GPSM3: variants seen among roughly 807,000 people sequenced by gnomAD.
GPSM3 encodes the protein G protein-signaling modulator 3.
GPSM3 carries 16 observed loss-of-function variants against 20.4 expected under a neutral mutation model. The ratio of observed to expected loss-of-function variants is 0.78; its 90% CI spans 0.53 to 1.19. GPSM3 has a LOEUF of 1.19. Ranked by LOEUF, GPSM3 falls within the 50% of genes most tolerant of loss-of-function variation. The pLI, the probability that GPSM3 is intolerant of heterozygous loss-of-function variation, is 0.00. For synonymous variants in GPSM3, 70 were observed against 79.6 expected (o/e 0.88, Z 0.64); for missense variants, 177 against 204.6 (o/e 0.86, Z 0.82).
In GPSM3 at chr6:32,192,606, G is replaced by A; in HGVS notation, c.-93C>T. The A allele has an allele frequency of 2.6e-6, 2 of 769,524 alleles. No homozygotes were observed. Among genetic ancestry groups the A allele is most frequent in the Admixed American group, 2.5e-5 (1 of 40,704 alleles). 47.7% of individuals were successfully genotyped at this position (769,524 alleles called of 1,614,324 possible). On this transcript the variant is annotated 5_prime_UTR_variant, in exon 1 of 4. Transcript: ENST00000375040. The surrounding 1 kb of genome is among the most constrained non-coding windows in gnomAD (Gnocchi z 5.1). The stretch of plus-strand genomic sequence containing the variant: ...TTCCTGAGGGGAGTGGGGGCTGGAA[G>A]GGGTGGGGGTGAGCTGGGGGCTGGA...
Position 32,191,362 on chromosome 6 carries a change from A to G in GPSM3, c.*4T>C. 3 of 1,576,568 alleles carry G rather than the reference A, an allele frequency of 1.9e-6. No individual in the cohort carries two copies. Among genetic ancestry groups the G allele is most frequent in the Non-Finnish European group, 2.6e-6 (3 of 1,167,148 alleles). The stretch of plus-strand genomic sequence containing the variant: ...GCAAGGAAGGGCTGGTTGGGGCTCA[A>G]GTCTCAGCAGGTGTGTGTGGGGGGC... On this transcript the variant is annotated 3_prime_UTR_variant, in exon 4 of 4. Coordinates refer to ENST00000375040, the MANE Select transcript of GPSM3 (RefSeq NM_001276501.2). This position sits in a 1 kb window ranked among gnomAD's most constrained non-coding sequence, Gnocchi z 5.9.
upstream of GPSM3, chr6:32,195,154 T>G: frequency 2.2e-6 from 1 of 456,370 alleles, no homozygotes. The surrounding 1 kb of genome is among the most constrained non-coding windows in gnomAD (Gnocchi z 5.4). Context: ...AATTCTTGGT[T>G]CCAACTTAGG....
Position 32,191,856 on chromosome 6 carries a change from CAGA to C in GPSM3, c.195_197del (p.Leu66del), listed in dbSNP as rs764630276. On this transcript the variant is annotated inframe_deletion, in exon 3 of 4. Transcript: ENST00000375040. The surrounding 1 kb of genome is among the most constrained non-coding windows in gnomAD (Gnocchi z 5.9). ...GGGACTGGGCTTCAGCCACCAGGTCCAGAAGGAGTTCAGTCTGCAGGGAGAGCA... is the reference window on the plus strand; with the variant it reads ...GGGACTGGGCTTCAGCCACCAGGTCCAGGAGTTCAGTCTGCAGGGAGAGCA... The C allele has an allele frequency of 6.2e-7, 1 of 1,611,988 alleles. No individual in the cohort carries two copies. Among genetic ancestry groups the C allele is most frequent in the South Asian group, 1.1e-5 (1 of 91,040 alleles).
upstream of GPSM3, chr6:32,192,717 C>T: frequency 4.3e-6 from 2 of 460,692 alleles, no homozygotes; most frequent in South Asian, 3.9e-5. The surrounding 1 kb of genome is among the most constrained non-coding windows in gnomAD (Gnocchi z 5.1). Flanking sequence ...CCATTCTCTT[C>T]CCACCCAAAC....
Position 32,192,255 on chromosome 6 carries a change from T to C in GPSM3, c.43-5A>G. ...TTCCTCATCCTGAGGGGGGCCCTGATGCCAAAATATGTCCATTCTAGTCAA... is the reference window on the plus strand; with the variant it reads ...TTCCTCATCCTGAGGGGGGCCCTGACGCCAAAATATGTCCATTCTAGTCAA... On this transcript the variant is annotated splice_polypyrimidine_tract_variant and splice_region_variant and intron_variant, in intron 1 of 3. Transcript: ENST00000375040. This position sits in a 1 kb window ranked among gnomAD's most constrained non-coding sequence, Gnocchi z 5.1. The C allele has an allele frequency of 6.6e-7, 1 of 1,518,868 alleles. No homozygotes were observed. The highest frequency in any genetic ancestry group is 8.8e-7 in the Non-Finnish European group (1 of 1,131,204). 94.1% of individuals were successfully genotyped at this position (1,518,868 alleles called of 1,614,324 possible).
chr6:32,195,399 G>A, upstream of GPSM3: 2 of 1,525,188 alleles, frequency 1.3e-6, no homozygotes, highest in Non-Finnish European at 1.8e-6. This position sits in a 1 kb window ranked among gnomAD's most constrained non-coding sequence, Gnocchi z 5.4. Flanking sequence ...CTTTTAATGG[G>A]TAATCATTTT....
upstream of GPSM3, among the ~76,000 whole-genome samples, chr6:32,193,583 A>C: frequency 6.6e-6 from 1 of 152,152 alleles, no homozygotes. The surrounding 1 kb of genome is among the most constrained non-coding windows in gnomAD (Gnocchi z 4.7). Context: ...TCATTTTGGA[A>C]ACTTATAGTT....
chr6:32,192,275 A>G lies in GPSM3; in HGVS notation c.43-25T>C. On this transcript the variant is annotated intron_variant, in intron 1 of 3. Transcript: ENST00000375040. This position sits in a 1 kb window ranked among gnomAD's most constrained non-coding sequence, Gnocchi z 5.1. ...CCTGATGCCAAAATATGTCCATTCT[A>G]GTCAAGCAGTGGTGGTTGAAGCGGG... 1 of 1,505,884 alleles carries G rather than the reference A, an allele frequency of 6.6e-7. No homozygotes were observed. The highest frequency in any genetic ancestry group is 1.3e-5 in the South Asian group (1 of 77,750). 93.3% of individuals were successfully genotyped at this position (1,505,884 alleles called of 1,614,324 possible).
upstream of GPSM3, chr6:32,192,691 T>G: frequency 2.1e-6 from 1 of 466,790 alleles, no homozygotes. The surrounding 1 kb of genome is among the most constrained non-coding windows in gnomAD (Gnocchi z 5.1). Context: ...GCCCCGCCCA[T>G]CCCTGTCAAC....
rs748139033 is a variant in GPSM3, at chr6:32,192,267, T to C, written c.43-17A>G. The stretch of plus-strand genomic sequence containing the variant: ...AGGGGGGCCCTGATGCCAAAATATG[T>C]CCATTCTAGTCAAGCAGTGGTGGTT... On this transcript the variant is annotated splice_polypyrimidine_tract_variant and intron_variant, in intron 1 of 3. Transcript: ENST00000375040. The surrounding 1 kb of genome is among the most constrained non-coding windows in gnomAD (Gnocchi z 5.1). 1 of 1,512,922 alleles carries C rather than the reference T, an allele frequency of 6.6e-7. No individual in the cohort carries two copies. Among genetic ancestry groups the C allele is most frequent in the Admixed American group, 2.1e-5 (1 of 47,074 alleles). 93.7% of individuals were successfully genotyped at this position (1,512,922 alleles called of 1,614,324 possible).
Position 32,191,469 on chromosome 6 carries a change from G to A in GPSM3, c.380C>T (p.Pro127Leu). 6.3e-7 allele frequency: 1 copy of A among 1,581,804 alleles called. No homozygotes were observed. The highest frequency in any genetic ancestry group is 1.4e-5 in the African/African-American group (1 of 73,112). Residue 127 changes from proline to leucine, a missense_variant, in exon 4 of 4, where the codon CCC becomes CTC. Physicochemically the swap from Pro to Leu is moderately conservative, Grantham distance 98 (BLOSUM62 -3). Transcript: ENST00000375040. The surrounding 1 kb of genome is among the most constrained non-coding windows in gnomAD (Gnocchi z 5.9). ...GAGCTCTTGCCCCCCTGGAGGGAGGGGAGGCTCTGACCGCTGGGCTTCCAT... is the reference window on the plus strand; with the variant it reads ...GAGCTCTTGCCCCCCTGGAGGGAGGAGAGGCTCTGACCGCTGGGCTTCCAT... ...QRMEAQRSEP[P>L]LPPGGQELLE...
Position 32,192,402 on chromosome 6 carries a change from T to C in GPSM3, c.42+70A>G. On this transcript the variant is annotated intron_variant, in intron 1 of 3. Transcript: ENST00000375040. This position sits in a 1 kb window ranked among gnomAD's most constrained non-coding sequence, Gnocchi z 5.1. Reference sequence around the variant, plus strand: ...CTTTCAAGGCCCCTGTGTCCCTACATTTCTGCCCCAGGTCCTCTCACCTCC... The same window carrying C: ...CTTTCAAGGCCCCTGTGTCCCTACACTTCTGCCCCAGGTCCTCTCACCTCC... 3 of 1,509,218 alleles carry C rather than the reference T, an allele frequency of 2.0e-6. No homozygotes were observed. The highest frequency in any genetic ancestry group is 2.7e-6 in the Non-Finnish European group (3 of 1,108,466). 93.5% of individuals were successfully genotyped at this position (1,509,218 alleles called of 1,614,324 possible).
Position 32,191,809 on chromosome 6 carries a change from G to A in GPSM3, c.245C>T (p.Ala82Val), listed in dbSNP as rs1406920851. 2 of 1,612,438 alleles carry A rather than the reference G, an allele frequency of 1.2e-6. No homozygotes were observed. The highest frequency in any genetic ancestry group is 1.3e-5 in the African/African-American group (1 of 74,954). ...AQSRRLEEQR[A>V]TFYTPQNPSS... The stretch of plus-strand genomic sequence containing the variant: ...GGGGTTTTGGGGGGTGTAGAAGGTG[G>A]CCCTCTGCTCCTCCAGGCGGCGGGA... The change falls in exon 3 of 4, where the codon GCC becomes GTC. Residue 82 changes from alanine (A) to valine (V), a missense_variant. By Grantham distance (64) the Ala-to-Val change is moderately conservative. Transcript: ENST00000375040. This position sits in a 1 kb window ranked among gnomAD's most constrained non-coding sequence, Gnocchi z 5.9.
chr6:32,195,405 AT>A (rs1315423213), upstream of GPSM3: 2 of 1,528,972 alleles, frequency 1.3e-6, no homozygotes, highest in Middle Eastern at 1.8e-4. This position sits in a 1 kb window ranked among gnomAD's most constrained non-coding sequence, Gnocchi z 5.4. Flanking sequence ...ATGGGTAATC[AT>A]TTTTGGAATT....
At chr6:32,192,881 C>T (rs140979226), upstream of GPSM3, 124 of 253,664 alleles carry the variant, frequency 4.9e-4, no homozygotes, top group Middle Eastern at 6.9e-3. This position sits in a 1 kb window ranked among gnomAD's most constrained non-coding sequence, Gnocchi z 5.1. Flanking sequence ...CTGCTCCCTC[C>T]ACCCCACCTC....
rs1290630317 is a variant in GPSM3 at position 32,192,408 on chromosome 6, CCCCAGGTCCTCTCA to C, written c.42+50_42+63del. 1.3e-6 allele frequency: 2 copies of C among 1,517,930 alleles called. No individual in the cohort carries two copies. The highest frequency in any genetic ancestry group is 2.7e-5 in the African/African-American group (2 of 72,832). 94.0% of individuals were successfully genotyped at this position (1,517,930 alleles called of 1,614,324 possible). On this transcript the variant is annotated intron_variant, in intron 1 of 3. Transcript: ENST00000375040. This position sits in a 1 kb window ranked among gnomAD's most constrained non-coding sequence, Gnocchi z 5.1. ...AGGCCCCTGTGTCCCTACATTTCTG[CCCCAGGTCCTCTCA>C]CCTCCCTTCTTTCCCAGTGTCAGCC...
upstream of GPSM3, chr6:32,195,159 C>T (rs1377886789): frequency 4.3e-6 from 2 of 463,894 alleles, no homozygotes; most frequent in Non-Finnish European, 3.8e-6. This position sits in a 1 kb window ranked among gnomAD's most constrained non-coding sequence, Gnocchi z 5.4. Context: ...TTGGTTCCAA[C>T]TTAGGGGTAT....
upstream of GPSM3, among the ~76,000 whole-genome samples, chr6:32,193,587 T>C (rs1787680380): frequency 6.6e-6 from 1 of 151,956 alleles, no homozygotes; most frequent in East Asian, 1.9e-4. The surrounding 1 kb of genome is among the most constrained non-coding windows in gnomAD (Gnocchi z 4.7). Context: ...TTTGGAAACT[T>C]ATAGTTTAGT....
rs1787614369 is a variant in GPSM3, at chr6:32,192,573, A to T, written c.-60T>A. The T allele has an allele frequency of 8.3e-7, 1 of 1,208,272 alleles. No homozygotes were observed. Among genetic ancestry groups the T allele is most frequent in the African/African-American group, 1.5e-5 (1 of 65,088 alleles). The allele number at this position is 1,208,272 out of a possible 1,614,324, so 74.8% of individuals were successfully genotyped here. On this transcript the variant is annotated 5_prime_UTR_variant, in exon 1 of 4. Transcript: ENST00000375040. The surrounding 1 kb of genome is among the most constrained non-coding windows in gnomAD (Gnocchi z 5.1). ...GCTGGGATTTGGGAGGAGGGCTGGA[A>T]CCTTGGGTTCCTGAGGGGAGTGGGG...
Sources: allele counts gnomAD v4.1 joint callset (sites outside exome capture counted in the v4.1 genomes callset), GRCh38; gene constraint gnomAD v4.1.1; non-coding constraint Gnocchi (gnomAD v3.1); transcripts MANE v1.5; gene names NCBI Gene and HGNC (gene_info 2026-07-23, HGNC 2026-07-21).